MTHFD2L: variants seen among roughly 807,000 people sequenced by gnomAD.
MTHFD2L encodes the protein bifunctional methylenetetrahydrofolate dehydrogenase/cyclohydrolase 2, mitochondrial.
A neutral mutation model predicts 34.9 loss-of-function variants in MTHFD2L; 29 were observed. The ratio of observed to expected loss-of-function variants is 0.83; its 90% CI spans 0.62 to 1.13. The LOEUF (loss-of-function observed/expected upper bound fraction) is 1.13, where lower values mean the gene tolerates loss of function less well. Among genes scored for constraint, MTHFD2L ranks in the 50% most tolerant of loss-of-function variants. The pLI, the probability that MTHFD2L is intolerant of heterozygous loss-of-function variation, is 0.00. For missense variants in MTHFD2L, 481 were observed against 446.5 expected, an observed-to-expected ratio of 1.08 and a Z score of -0.70; for synonymous variants, 167 against 155.7, an observed-to-expected ratio of 1.07 and a Z score of -0.54.
intron 6 of MTHFD2L, among the ~76,000 whole-genome samples, chr4:74,277,473 A>C (rs1746829233): frequency 1.3e-5 from 2 of 152,064 alleles, no homozygotes; most frequent in South Asian, 2.1e-4. Context: ...GATAAAGAGA[A>C]AGTCACTGTT....
intron 1 of MTHFD2L, among the ~76,000 whole-genome samples, chr4:74,172,865 T>C (rs1156666871): frequency 1.3e-5 from 2 of 152,220 alleles, no homozygotes; most frequent in Non-Finnish European, 2.9e-5. Context: ...GATCAAGTTC[T>C]ACCTATACGT....
intron 6 of MTHFD2L, among the ~76,000 whole-genome samples, chr4:74,246,489 C>T (rs1417713278): frequency 6.6e-6 from 1 of 152,046 alleles, no homozygotes. Flanking sequence ...TTAATTAGAT[C>T]CCATTTGTCA....
intron 5 of MTHFD2L, among the ~76,000 whole-genome samples, chr4:74,211,210 C>A (rs1195324738): frequency 6.6e-6 from 1 of 152,098 alleles, no homozygotes; most frequent in Non-Finnish European, 1.5e-5. Context: ...CCAGAACTTG[C>A]AATATTATAT....
intron 7 of MTHFD2L, among the ~76,000 whole-genome samples, chr4:74,294,185 G>A (rs1749348290): frequency 6.6e-6 from 1 of 151,984 alleles, no homozygotes; most frequent in Non-Finnish European, 1.5e-5. Flanking sequence ...AATTTATAGA[G>A]AACAAATATA....
chr4:74,272,698 G>A (rs983082868), intron 6 of MTHFD2L, among the ~76,000 whole-genome samples: 2 of 152,094 alleles, frequency 1.3e-5, no homozygotes, highest in Non-Finnish European at 2.9e-5. Context: ...CTTTCAAAAT[G>A]TTCAACAGGG....
intron 7 of MTHFD2L, among the ~76,000 whole-genome samples, chr4:74,299,716 G>C (rs1750055660): frequency 6.6e-6 from 1 of 151,990 alleles, no homozygotes; most frequent in African/African-American, 2.4e-5. Context: ...CTCAAAATCT[G>C]CTTAGTGCCT....
intron 6 of MTHFD2L, among the ~76,000 whole-genome samples, chr4:74,273,040 G>T (rs545912602): frequency 6.6e-6 from 1 of 152,052 alleles, no homozygotes; most frequent in Non-Finnish European, 1.5e-5. Context: ...TTTGTATTAC[G>T]CCTTTTTATC....
At chr4:74,188,022 C>A (rs967513579) in intron 3 of MTHFD2L, among the ~76,000 whole-genome samples, 1 of 152,104 alleles carries the variant, frequency 6.6e-6, no homozygotes, top group Non-Finnish European at 1.5e-5. Context: ...TAGAATACTA[C>A]TCAGCAATAT....
intron 6 of MTHFD2L, among the ~76,000 whole-genome samples, chr4:74,245,430 TTAAG>T (rs1578597895): frequency 1.3e-5 from 2 of 152,026 alleles, no homozygotes; most frequent in Non-Finnish European, 2.9e-5. Flanking sequence ...ATATAAGTCA[TTAAG>T]TAATTATATG....
upstream of MTHFD2L, among the ~76,000 whole-genome samples, chr4:74,121,529 G>T (rs141199973): frequency 1.3e-4 from 19 of 149,720 alleles, no homozygotes; most frequent in East Asian, 3.5e-3. Flanking sequence ...CTATCTAGTT[G>T]CAGGAAAACA....
At chr4:74,219,499 A>T (rs1365254796) in intron 5 of MTHFD2L, among the ~76,000 whole-genome samples, 1 of 152,114 alleles carries the variant, frequency 6.6e-6, no homozygotes, top group African/African-American at 2.4e-5. Context: ...GAAAAAAATT[A>T]GGTGCAGCAA....
chr4:74,199,105 A>G (rs1410657413), intron 3 of MTHFD2L, among the ~76,000 whole-genome samples: 1 of 152,168 alleles, frequency 6.6e-6, no homozygotes, highest in African/African-American at 2.4e-5. Context: ...GCATAGAGTA[A>G]TAGGAGCCTA....
In MTHFD2L at chr4:74,249,815, C is replaced by G. The variant is rs186095272; in HGVS notation, c.805+24421C>G. ...AGAATGTTGAATATTGGCCCCCACT[C>G]TCTTCTGGCTCGTAGAGTTTCTGCT... On this transcript the variant is annotated intron_variant, in intron 6 of 7. Transcript: ENST00000325278. Among the ~76,000 whole-genome samples, 946 of 152,290 alleles carry G rather than the reference C, an allele frequency of 6.2e-3. 11 individuals are homozygous for G. The highest frequency in any genetic ancestry group is 0.022 in the African/African-American group (906 of 41,558).
chr4:74,233,218 A>G (rs1031369287), intron 6 of MTHFD2L, among the ~76,000 whole-genome samples: 39 of 152,192 alleles, frequency 2.6e-4, no homozygotes, highest in African/African-American at 8.9e-4. Context: ...ACCATTACCA[A>G]TCAGTATACT....
At chr4:74,200,852 C>G (rs376154949) in intron 4 of MTHFD2L, among the ~76,000 whole-genome samples, 8 of 151,294 alleles carry the variant, frequency 5.3e-5, no homozygotes, top group African/African-American at 2.0e-4. Context: ...AATGCATGAG[C>G]TTTGTGAAAA....
intron 6 of MTHFD2L, among the ~76,000 whole-genome samples, chr4:74,254,807 C>T (rs141766106): frequency 1.7e-3 from 215 of 123,250 alleles, no homozygotes; most frequent in African/African-American, 5.9e-3. Context: ...TAAAAGAGAA[C>T]GGTATTAAAA....
chr4:74,122,773 A>G (rs1721827312), upstream of MTHFD2L, among the ~76,000 whole-genome samples: 1 of 152,186 alleles, frequency 6.6e-6, no homozygotes, highest in African/African-American at 2.4e-5. Flanking sequence ...TCCACCCATA[A>G]CGGTAAAGGA....
intron 7 of MTHFD2L, among the ~76,000 whole-genome samples, chr4:74,284,782 C>T (rs1027864952): frequency 2.0e-5 from 3 of 152,034 alleles, no homozygotes; most frequent in African/African-American, 4.8e-5. Context: ...GTCAGTGTGG[C>T]GATTCCTCAG....
At chr4:74,123,074 A>G (rs1721839494), upstream of MTHFD2L, among the ~76,000 whole-genome samples, 1 of 152,320 alleles carries the variant, frequency 6.6e-6, no homozygotes, top group East Asian at 1.9e-4. Context: ...CAAAACAGTT[A>G]TATTAAATCA....
Sources: gnomAD v4.1 joint callset for allele counts (sites outside exome capture counted in the v4.1 genomes callset) on GRCh38, gnomAD v4.1.1 for gene constraint, MANE v1.5 for transcripts, NCBI Gene and HGNC (gene_info 2026-07-23, HGNC 2026-07-21) for gene names.